MAGI1: variants seen among roughly 807,000 people sequenced by gnomAD.
MAGI1 encodes the protein membrane associated guanylate kinase, WW and PDZ domain containing 1, also known as membrane-associated guanylate kinase, WW and PDZ domain-containing protein 1.
A neutral mutation model predicts 139.9 loss-of-function variants in MAGI1; 58 were observed. The observed-to-expected ratio is 0.41, with a 90% CI of 0.34 to 0.52. The LOEUF is 0.52. Among genes scored for constraint, MAGI1 ranks in the 20% least tolerant of loss-of-function variants. MAGI1 has a pLI of 0.12. For synonymous variants in MAGI1, 812 were observed against 737.9 expected (o/e 1.10, Z -1.63); for missense variants, 1,874 against 1,901.6 (o/e 0.99, Z 0.27).
intron 1 of MAGI1, among the ~76,000 whole-genome samples, chr3:65,651,346 G>A (rs974261592): frequency 6.6e-6 from 1 of 152,120 alleles, no homozygotes. Flanking sequence ...ACCCAAAGCA[G>A]TTCAAACACA....
At chr3:65,403,911 G>A (rs920196584) in intron 12 of MAGI1, among the ~76,000 whole-genome samples, 1 of 152,186 alleles carries the variant, frequency 6.6e-6, no homozygotes, top group African/African-American at 2.4e-5. Context: ...AAACTGTGGG[G>A]CAGCCAACCT....
At chr3:65,945,693 G>C (rs1459821478) in intron 1 of MAGI1, among the ~76,000 whole-genome samples, 3 of 152,188 alleles carry the variant, frequency 2.0e-5, no homozygotes, top group Non-Finnish European at 4.4e-5. Context: ...TCTCACTTCC[G>C]ATTTCTGTAT....
At chr3:65,722,024 T>C (rs1033132997) in intron 1 of MAGI1, among the ~76,000 whole-genome samples, 2 of 152,072 alleles carry the variant, frequency 1.3e-5, no homozygotes, top group South Asian at 2.1e-4. Flanking sequence ...CCACTATGAG[T>C]TCCCTGTTGC....
At chr3:65,647,580 G>C (rs1209881680) in intron 1 of MAGI1, among the ~76,000 whole-genome samples, 2 of 152,052 alleles carry the variant, frequency 1.3e-5, no homozygotes, top group African/African-American at 4.8e-5. Context: ...ATTATTCCAG[G>C]GATGCAAGGT....
At chr3:65,991,045 T>C (rs1412043895) in intron 1 of MAGI1, among the ~76,000 whole-genome samples, 2 of 151,948 alleles carry the variant, frequency 1.3e-5, no homozygotes. Context: ...TCCCAGCACT[T>C]TGGGAGGCCA....
At chr3:65,742,591 G>C (rs906170141) in intron 1 of MAGI1, among the ~76,000 whole-genome samples, 1 of 152,228 alleles carries the variant, frequency 6.6e-6, no homozygotes. Context: ...TATTGTGTGT[G>C]AGTGAATGTG....
chr3:66,033,018 C>A (rs117964856), intron 1 of MAGI1, among the ~76,000 whole-genome samples: 3 of 151,392 alleles, frequency 2.0e-5, no homozygotes, highest in Non-Finnish European at 4.4e-5. Flanking sequence ...GCACTTTACT[C>A]AGGGAGCTAT....
chr3:65,680,034 TTCTC>T (rs146996108), intron 1 of MAGI1, among the ~76,000 whole-genome samples: 1 of 152,138 alleles, frequency 6.6e-6, no homozygotes, highest in Non-Finnish European at 1.5e-5. Flanking sequence ...GAAAGATTAG[TTCTC>T]TCTCTCTTTG....
chr3:65,595,172 A>T (rs1374011657), intron 2 of MAGI1, among the ~76,000 whole-genome samples: 1 of 152,178 alleles, frequency 6.6e-6, no homozygotes, highest in Non-Finnish European at 1.5e-5. Flanking sequence ...AATAGAAAAC[A>T]AGGGGAAAGG....
chr3:65,632,855 T>C (rs1576544007), intron 1 of MAGI1, among the ~76,000 whole-genome samples: 1 of 152,252 alleles, frequency 6.6e-6, no homozygotes, highest in Non-Finnish European at 1.5e-5. Flanking sequence ...TAAGTAATTG[T>C]TGGGGTAGAG....
At chr3:65,418,018 G>A (rs1319523639) in intron 12 of MAGI1, among the ~76,000 whole-genome samples, 1 of 152,064 alleles carries the variant, frequency 6.6e-6, no homozygotes, top group Non-Finnish European at 1.5e-5. Flanking sequence ...GGAGAAAGGG[G>A]GCAGGTATGT....
intron 6 of MAGI1, among the ~76,000 whole-genome samples, chr3:65,450,269 C>T (rs1273911275): frequency 6.6e-6 from 1 of 152,132 alleles, no homozygotes; most frequent in Non-Finnish European, 1.5e-5. Flanking sequence ...AACATCATCA[C>T]ATTTACATTT....
At chr3:65,642,347 A>T (rs79496966) in intron 1 of MAGI1, among the ~76,000 whole-genome samples, 4,638 of 152,280 alleles carry the variant, frequency 0.03, 98 homozygotes, top group Non-Finnish European at 0.043. Context: ...TTAATGAGAC[A>T]TTATTCTGCC....
intron 1 of MAGI1, among the ~76,000 whole-genome samples, chr3:66,002,996 C>T (rs1028391248): frequency 2.6e-5 from 4 of 152,156 alleles, no homozygotes; most frequent in Non-Finnish European, 2.9e-5. Context: ...CCACTACATA[C>T]ACACACATAT....
intron 1 of MAGI1, among the ~76,000 whole-genome samples, chr3:65,827,740 A>G (rs555494957): frequency 3.3e-5 from 5 of 152,358 alleles, no homozygotes; most frequent in Non-Finnish European, 7.3e-5. Flanking sequence ...AAGAAGCTGC[A>G]TAATGTTATT....
intron 1 of MAGI1, among the ~76,000 whole-genome samples, chr3:65,752,690 C>A (rs2036248953): frequency 6.6e-6 from 1 of 152,190 alleles, no homozygotes; most frequent in African/African-American, 2.4e-5. Flanking sequence ...TATGAGCCCT[C>A]TTTTTGGACT....
At chr3:65,508,487 C>T (rs2107735476) in intron 2 of MAGI1, among the ~76,000 whole-genome samples, 1 of 152,190 alleles carries the variant, frequency 6.6e-6, no homozygotes, top group African/African-American at 2.4e-5. Flanking sequence ...TATATAAAGA[C>T]AATAGTCTTT....
chr3:65,391,452 T>C, intron 13 of MAGI1, 94 bp from the exon 14 acceptor site: 1 of 979,560 alleles, frequency 1.0e-6, no homozygotes, highest in Non-Finnish European at 1.5e-6. Flanking sequence ...TTTAGCACTT[T>C]TGCATACACA....
intron 13 of MAGI1, among the ~76,000 whole-genome samples, chr3:65,400,932 C>T (rs1020240221): frequency 6.6e-6 from 1 of 151,938 alleles, no homozygotes; most frequent in Non-Finnish European, 1.5e-5. Flanking sequence ...TGGGGCAAAG[C>T]AATTCTTCCT....
Sources: allele counts gnomAD v4.1 joint callset (sites outside exome capture counted in the v4.1 genomes callset), GRCh38; gene constraint gnomAD v4.1.1; transcripts MANE v1.5; gene names NCBI Gene and HGNC (gene_info 2026-07-23, HGNC 2026-07-21).